Variants in RBL2 observed in about 807,000 individuals in gnomAD.
The protein encoded by RBL2 is retinoblastoma-like protein 2.
Under a neutral mutation model 126.0 loss-of-function variants are expected in RBL2, and 56 were observed. The ratio of observed to expected loss-of-function variants is 0.44; its 90% CI spans 0.36 to 0.56. The LOEUF is 0.56. RBL2 is among the 20% of genes least tolerant of loss of function. The probability of loss-of-function intolerance (pLI) is 0.00; values close to 1 mark genes in which losing one functional copy is unlikely to be tolerated. For missense variants in RBL2, 1,229 were observed against 1,398.2 expected (o/e 0.88, Z 1.93); for synonymous variants, 454 against 478.5 (o/e 0.95, Z 0.67).
intron 21 of RBL2, among the ~76,000 whole-genome samples, chr16:53,487,270 A>G (rs1485104357): frequency 6.6e-6 from 1 of 152,252 alleles, no homozygotes; most frequent in African/African-American, 2.4e-5. Flanking sequence ...GATTCACACT[A>G]ATTATGAAGG....
chr16:53,481,537 A>T, intron 20 of RBL2, 134 bp from the exon 21 acceptor site: 2 of 802,120 alleles, frequency 2.5e-6, no homozygotes, highest in Non-Finnish European at 3.7e-6. Context: ...TCTTTAGGTT[A>T]AGTTATTGCT....
intron 21 of RBL2, chr16:53,487,661 C>T (rs564982345): frequency 3.9e-5 from 6 of 152,120 alleles, no homozygotes; most frequent in Admixed American, 6.5e-5. Flanking sequence ...AAGCACAATC[C>T]GTAAAATACT....
rs2058309993 is a variant in RBL2 at position 53,470,306 on chromosome 16, A to G, written c.2246-77A>G. ...GTGATGGGGAGAGAGGGTTTGGGAG[A>G]GCAGAAATTGTAAACCTCTGCCCGG... On this transcript the variant is annotated intron_variant, in intron 15 of 21. Coordinates refer to ENST00000262133, the MANE Select transcript of RBL2 (RefSeq NM_005611.4). The G allele has an allele frequency of 3.8e-6, 6 of 1,566,564 alleles. No homozygotes were observed. In the South Asian group the frequency reaches 7.2e-5, roughly 19 times the overall value.
At chr16:53,456,536 A>T (rs931322993) in intron 8 of RBL2, among the ~76,000 whole-genome samples, 1 of 152,164 alleles carries the variant, frequency 6.6e-6, no homozygotes, top group Non-Finnish European at 1.5e-5. Flanking sequence ...GAGAACAGTG[A>T]TGTCTCCAGT....
chr16:53,435,792 G>T, intron 1 of RBL2: 1 of 1,223,254 alleles, frequency 8.2e-7, no homozygotes, highest in Non-Finnish European at 1.1e-6. Flanking sequence ...GATGAGTGAG[G>T]TTATTTTTAA....
At position 53,465,591 on chromosome 16, in the gene RBL2, A is replaced by G; in HGVS notation, c.1852A>G (p.Thr618Ala). 5 of 1,582,304 alleles carry G rather than the reference A, an allele frequency of 3.2e-6. No individual in the cohort carries two copies. Among genetic ancestry groups the G allele is most frequent in the Non-Finnish European group, 3.4e-6 (4 of 1,169,084 alleles). ...TAGAGACAATGAAAACAGAGTTCCT[A>G]CATGTGAAGAGGTTTGTGAAAATAA... ...KIRDNENRVP[T>A]CEEVMPPQNL... Residue 618 changes from threonine (T) to alanine (A), a missense_variant, in exon 13 of 22, where the codon ACA (threonine) becomes GCA (alanine). Coordinates refer to ENST00000262133, the MANE Select transcript of RBL2 (RefSeq NM_005611.4).
At chr16:53,477,075 G>GTGTA (rs777659214) in intron 17 of RBL2, among the ~76,000 whole-genome samples, 22 of 151,852 alleles carry the variant, frequency 1.4e-4, no homozygotes, top group Non-Finnish European at 2.8e-4. Flanking sequence ...GTGTGTGTGT[G>GTGTA]TGTGTGTAGT....
At chr16:53,484,781 C>T (rs781574513) in intron 21 of RBL2, among the ~76,000 whole-genome samples, 2 of 152,048 alleles carry the variant, frequency 1.3e-5, no homozygotes, top group Admixed American at 6.6e-5. Context: ...TGGGAACATA[C>T]TAAAAGCCAT....
intron 21 of RBL2, among the ~76,000 whole-genome samples, chr16:53,482,903 G>A (rs186650075): frequency 7.4e-4 from 113 of 152,206 alleles, no homozygotes; most frequent in Non-Finnish European, 1.2e-3. Context: ...AGAGGACGGG[G>A]AAGGTATCAT....
chr16:53,446,614 A>T (rs561896705), intron 3 of RBL2, among the ~76,000 whole-genome samples: 2 of 152,154 alleles, frequency 1.3e-5, no homozygotes, highest in Admixed American at 6.5e-5. Flanking sequence ...GCCTTTTGTG[A>T]TTTGATATAG....
intron 9 of RBL2, among the ~76,000 whole-genome samples, 184 bp downstream of exon 9, chr16:53,459,801 T>C (rs900375306): frequency 6.6e-6 from 1 of 151,958 alleles, no homozygotes; most frequent in African/African-American, 2.4e-5. Flanking sequence ...CTTCTTTCCT[T>C]AGATTTCTTT....
intron 17 of RBL2, among the ~76,000 whole-genome samples, chr16:53,473,801 T>G (rs1298882087): frequency 6.6e-6 from 1 of 152,114 alleles, no homozygotes; most frequent in South Asian, 2.1e-4. Flanking sequence ...TTTATCAGGT[T>G]GAGGAAGTTC....
chr16:53,470,649 C>T lies in RBL2; in HGVS notation c.2512C>T (p.Leu838Phe). 1 of 1,613,886 alleles carries T rather than the reference C, an allele frequency of 6.2e-7. No homozygotes were observed. The highest frequency in any genetic ancestry group is 8.5e-7 in the Non-Finnish European group (1 of 1,179,784). ...ACCCAGGAAGACCAGCTCTTTATCGCTTTTCTTTAGAAAGGTAATTTTTCA... is the reference window on the plus strand; with the variant it reads ...ACCCAGGAAGACCAGCTCTTTATCGTTTTTCTTTAGAAAGGTAATTTTTCA... ...NRPRKTSSLS[L>F]FFRKVYHLAA... is the part of the protein sequence containing the mutation. Residue 838 changes from leucine to phenylalanine, a missense_variant, in exon 16 of 22, where the codon CTT becomes TTT. Leu to Phe is a conservative substitution (Grantham distance 22, BLOSUM62 0). Transcript: ENST00000262133.
At chr16:53,451,150 C>CTTAA (rs1190456040) in intron 4 of RBL2, among the ~76,000 whole-genome samples, 4 of 147,428 alleles carry the variant, frequency 2.7e-5, no homozygotes, top group African/African-American at 1.1e-4. Context: ...TTAATAAACA[C>CTTAA]TTAATGAATG....
chr16:53,482,668 G>C lies in RBL2; in HGVS notation c.3249+833G>C, dbSNP rs138365718. On this transcript the variant is annotated intron_variant, in intron 21 of 21. Coordinates refer to ENST00000262133, the MANE Select transcript of RBL2 (RefSeq NM_005611.4). Reference sequence around the variant, plus strand: ...CTATTAAAAATACAAAAATTAGCTGGGTGTGGTGGCATGCACCTGTAATCC... The same window carrying C: ...CTATTAAAAATACAAAAATTAGCTGCGTGTGGTGGCATGCACCTGTAATCC... 2.1e-3 allele frequency among the ~76,000 whole-genome samples: 319 copies of C among 152,138 alleles called. 7 individuals carry two copies. The East Asian group carries it at 0.056, about 26-fold the overall frequency.
At chr16:53,444,779 C>T (rs116373828) in intron 3 of RBL2, among the ~76,000 whole-genome samples, 3 of 149,208 alleles carry the variant, frequency 2.0e-5, no homozygotes, top group South Asian at 2.1e-4. Flanking sequence ...ACCCAGGAGT[C>T]GGAGGTTTCA....
chr16:53,454,003 T>C (rs2058141470), intron 7 of RBL2, among the ~76,000 whole-genome samples: 1 of 152,190 alleles, frequency 6.6e-6, no homozygotes, highest in Non-Finnish European at 1.5e-5. Flanking sequence ...TTGAAATAAA[T>C]TCTTTTGGAA....
rs796958764 is a variant in RBL2 at position 53,485,856 on chromosome 16, A to ACAAAAAC, written c.3249+4021_3249+4022insCAAAAAC. ...GAGTGACAGAATGAGACCATCTAAA[A>ACAAAAAC]AAAAACAAAAACAAAAACAAAAAAC... On this transcript the variant is annotated intron_variant, in intron 21 of 21. Transcript: ENST00000262133. 1.9e-3 allele frequency among the ~76,000 whole-genome samples: 264 copies of ACAAAAAC among 135,686 alleles called. 1 individual carries two copies. Among genetic ancestry groups the ACAAAAAC allele is most frequent in the African/African-American group, 6.2e-3 (247 of 39,800 alleles). The allele number at this position is 135,686 out of a possible 152,430, so 89.0% of individuals were successfully genotyped here.
At chr16:53,477,233 T>G (rs1488262471) in intron 17 of RBL2, among the ~76,000 whole-genome samples, 3 of 152,252 alleles carry the variant, frequency 2.0e-5, no homozygotes, top group African/African-American at 4.8e-5. Context: ...ATTGTTATAA[T>G]TATTGATACA....
Sources: allele counts gnomAD v4.1 joint callset (sites outside exome capture counted in the v4.1 genomes callset), GRCh38; gene constraint gnomAD v4.1.1; transcripts MANE v1.5; gene names NCBI Gene and HGNC (gene_info 2026-07-23, HGNC 2026-07-21).